Variants in SEC63 observed in about 807,000 individuals in gnomAD.
SEC63 encodes translocation protein SEC63 homolog.
SEC63 carries 56 observed loss-of-function variants against 116.2 expected under a neutral mutation model. That is an observed-to-expected ratio of 0.48 (90% CI 0.39 to 0.60). SEC63 has a LOEUF of 0.60. Among genes scored for constraint, SEC63 ranks in the 20% least tolerant of loss-of-function variants. SEC63 has a pLI of 0.00. For missense variants in SEC63, 668 were observed against 900.0 expected, an observed-to-expected ratio of 0.74 and a Z score of 3.30; for synonymous variants, 273 against 294.6, an observed-to-expected ratio of 0.93 and a Z score of 0.75.
At chr6:107,936,637 G>T (rs1048253922) in intron 1 of SEC63, among the ~76,000 whole-genome samples, 1 of 152,158 alleles carries the variant, frequency 6.6e-6, no homozygotes, top group Non-Finnish European at 1.5e-5. Context: ...GTCAGCAGCC[G>T]AACTTTATAT....
intron 1 of SEC63, among the ~76,000 whole-genome samples, chr6:107,938,691 G>A (rs1054316759): frequency 3.3e-5 from 5 of 151,562 alleles, no homozygotes; most frequent in Non-Finnish European, 5.9e-5. Flanking sequence ...CGAGTAGCTG[G>A]GATTACAGGC....
At chr6:107,903,586 T>G (rs946914489) in intron 11 of SEC63, among the ~76,000 whole-genome samples, 1 of 152,168 alleles carries the variant, frequency 6.6e-6, no homozygotes, top group African/African-American at 2.4e-5. Context: ...GCACCTGTAG[T>G]TCCAGCTACT....
At chr6:107,878,349 T>C (rs1786328744) in intron 18 of SEC63, among the ~76,000 whole-genome samples, 1 of 152,246 alleles carries the variant, frequency 6.6e-6, no homozygotes, top group African/African-American at 2.4e-5. Flanking sequence ...TGCAGTATAA[T>C]AGGTGGCAGT....
chr6:107,885,732 C>CACTA (rs1358588853), intron 16 of SEC63, among the ~76,000 whole-genome samples: 1 of 152,134 alleles, frequency 6.6e-6, no homozygotes, highest in Non-Finnish European at 1.5e-5. Flanking sequence ...GGAGCACTTA[C>CACTA]ACTACCATAT....
At chr6:107,906,845 C>A in intron 8 of SEC63, 68 bp from the exon 9 acceptor site, 1 of 1,175,436 alleles carries the variant, frequency 8.5e-7, no homozygotes, top group Non-Finnish European at 1.3e-6. Flanking sequence ...TCCTGAGATA[C>A]TTAATTCACT....
At chr6:107,939,375 G>A (rs2114503873) in intron 1 of SEC63, among the ~76,000 whole-genome samples, 1 of 151,958 alleles carries the variant, frequency 6.6e-6, no homozygotes, top group Non-Finnish European at 1.5e-5. Context: ...TTTACCTAAA[G>A]CTGCAGATTA....
chr6:107,913,425 A>G lies in SEC63; in HGVS notation c.455T>C (p.Leu152Ser). 1 of 1,612,494 alleles carries G rather than the reference A, an allele frequency of 6.2e-7. No individual in the cohort carries two copies. The highest frequency in any genetic ancestry group is 8.5e-7 in the Non-Finnish European group (1 of 1,178,582). Residue 152 changes from leucine (L) to serine (S), a missense_variant and splice_region_variant, in exon 5 of 21, where the codon TTA becomes TCA. Transcript: ENST00000369002. ...FMRIAKAYAA[L>S]TDEESRKNWE... ...ATTTTTCCGGGACTCTTCATCCGTT[A>G]AACTAGCATCAAAAGAACAAAGTTG...
chr6:107,931,487 A>T (rs201664721), intron 1 of SEC63, among the ~76,000 whole-genome samples: 1 of 10,366 alleles, frequency 9.6e-5, no homozygotes, highest in African/African-American at 1.0e-4. Context: ...TCCCAAGTTT[A>T]AAAAAAAAAA....
chr6:107,879,096 T>C (rs655758), intron 18 of SEC63, among the ~76,000 whole-genome samples: 3,907 of 152,266 alleles, frequency 0.026, 146 homozygotes, highest in African/African-American at 0.089. Flanking sequence ...GTTAGGTTAC[T>C]TAGGTAAGAA....
intron 18 of SEC63, chr6:107,877,421 G>C: frequency 6.6e-6 from 1 of 152,054 alleles, no homozygotes. Context: ...AAGTTTCTTT[G>C]AGAAAACGTG....
chr6:107,911,096 T>C (rs1185235519), intron 7 of SEC63: 3 of 498,684 alleles, frequency 6.0e-6, no homozygotes, highest in Admixed American at 6.9e-5. Flanking sequence ...AGTATAGTTA[T>C]ATAATTTTTT....
chr6:107,934,708 G>A (rs1176116701), intron 1 of SEC63, among the ~76,000 whole-genome samples: 11 of 26,342 alleles, frequency 4.2e-4, no homozygotes, highest in African/African-American at 2.1e-3. Flanking sequence ...CGCCCCGTCC[G>A]GCAGGGAGGT....
Position 107,924,611 on chromosome 6 carries a change from T to C in SEC63, c.339+207A>G, listed in dbSNP as rs144046249. Among the ~76,000 whole-genome samples, 227 of 152,288 alleles carry C rather than the reference T, an allele frequency of 1.5e-3. 1 individual carries two copies. Among genetic ancestry groups the C allele is most frequent in the African/African-American group, 5.2e-3 (217 of 41,556 alleles). On this transcript the variant is annotated intron_variant, in intron 3 of 20. Coordinates refer to ENST00000369002, the MANE Select transcript of SEC63 (RefSeq NM_007214.5). ...CTCATCTTCAAATATTCTTATATTTTAGCAATTGAAAACCAATTATTAATA... is the reference window on the plus strand; with the variant it reads ...CTCATCTTCAAATATTCTTATATTTCAGCAATTGAAAACCAATTATTAATA...
chr6:107,888,435 T>C (rs568182735), intron 16 of SEC63, among the ~76,000 whole-genome samples: 11 of 152,362 alleles, frequency 7.2e-5, no homozygotes, highest in Non-Finnish European at 1.3e-4. Context: ...TTTTTGCACA[T>C]TGATTTTGTA....
chr6:107,876,766 C>A, intron 18 of SEC63, 104 bp from the exon 19 acceptor site: 1 of 713,632 alleles, frequency 1.4e-6, no homozygotes, highest in Non-Finnish European at 2.5e-6. Flanking sequence ...ATCCTCTGCA[C>A]TGACAAACTG....
intron 1 of SEC63, among the ~76,000 whole-genome samples, chr6:107,941,745 G>A (rs1485072955): frequency 6.6e-6 from 1 of 152,242 alleles, no homozygotes; most frequent in Non-Finnish European, 1.5e-5. Context: ...CCCAAGGAAT[G>A]AGCTTCACTC....
chr6:107,891,996 G>A (rs141747723), intron 16 of SEC63, among the ~76,000 whole-genome samples: 50 of 152,322 alleles, frequency 3.3e-4, no homozygotes, highest in African/African-American at 1.1e-3. Flanking sequence ...GTCTCTTGTG[G>A]GAGATGTCTC....
rs926345835 is a variant in SEC63, at chr6:107,871,450, C to T, written c.*254G>A. ...CCACACTTCTGGACAGTTATAATAA[C>T]AAAGGATTTATTATCATTTGCAGAT... On this transcript the variant is annotated 3_prime_UTR_variant, in exon 21 of 21. Coordinates refer to ENST00000369002, the MANE Select transcript of SEC63 (RefSeq NM_007214.5). The T allele has an allele frequency of 9.6e-5, 47 of 490,518 alleles. No individual in the cohort carries two copies. Among genetic ancestry groups the T allele is most frequent in the African/African-American group, 8.2e-4 (42 of 51,224 alleles). 30.4% of individuals were successfully genotyped at this position (490,518 alleles called of 1,614,324 possible). A position where few individuals can be genotyped will look rare whatever the true frequency, so the allele number is the denominator to read the frequency against.
chr6:107,924,918 A>C lies in SEC63; in HGVS notation c.239T>G (p.Leu80Arg). The C allele has an allele frequency of 6.3e-7, 1 of 1,585,276 alleles. No homozygotes were observed. The highest frequency in any genetic ancestry group is 1.1e-5 in the South Asian group (1 of 90,494). ...GAATAAGAACAATGCCCATCCTGCA[A>C]GCAGAACTATTTTCCTGTTTAGGAA... Reference protein sequence around the residue: ...IIPTVKKIVLLAGWALFLFLA... With the variant: ...IIPTVKKIVLRAGWALFLFLA... Residue 80 changes from leucine (L) to arginine (R), a missense_variant, in exon 3 of 21, where the codon CTT (leucine) becomes CGT (arginine). Coordinates refer to ENST00000369002, the MANE Select transcript of SEC63 (RefSeq NM_007214.5).
Sources: allele counts gnomAD v4.1 joint callset (sites outside exome capture counted in the v4.1 genomes callset), GRCh38; gene constraint gnomAD v4.1.1; transcripts MANE v1.5; gene names NCBI Gene and HGNC (gene_info 2026-07-23, HGNC 2026-07-21).